VPS13A: variants seen among roughly 807,000 people sequenced by gnomAD.
VPS13A encodes the protein vacuolar protein sorting 13 homolog A.
VPS13A carries 264 observed loss-of-function variants against 390.9 expected under a neutral mutation model. The observed-to-expected ratio is 0.68, with a 90% CI of 0.61 to 0.75. The LOEUF is 0.75. Ranked by LOEUF, VPS13A falls within the 30% of genes least tolerant of loss-of-function variation. The pLI is 0.00. For missense variants in VPS13A, 3,409 were observed against 3,733.9 expected, an observed-to-expected ratio of 0.91 and a Z score of 2.27; for synonymous variants, 1,231 against 1,227.1, an observed-to-expected ratio of 1.00 and a Z score of -0.07.
chr9:77,185,394 C>T (rs1824270691), intron 1 of VPS13A, among the ~76,000 whole-genome samples: 1 of 152,138 alleles, frequency 6.6e-6, no homozygotes, highest in South Asian at 2.1e-4. Context: ...CCTGCCTTGG[C>T]CTCCCAAAGT....
chr9:77,391,701 A>C (rs1274950902), intron 68 of VPS13A, among the ~76,000 whole-genome samples: 3 of 152,230 alleles, frequency 2.0e-5, no homozygotes, highest in Non-Finnish European at 4.4e-5. Flanking sequence ...ATGAAGATGC[A>C]GTGTTGGAAT....
intron 26 of VPS13A, among the ~76,000 whole-genome samples, chr9:77,279,294 T>C (rs1242511365): frequency 6.6e-6 from 1 of 151,982 alleles, no homozygotes; most frequent in Non-Finnish European, 1.5e-5. Flanking sequence ...TCCCCTGAGG[T>C]TGGGCCACCC....
chr9:77,225,785 T>C, intron 13 of VPS13A, 141 bp from the exon 14 acceptor site: 2 of 603,334 alleles, frequency 3.3e-6, no homozygotes, highest in Non-Finnish European at 5.8e-6. Flanking sequence ...ATTTAACATA[T>C]GTATTATATT....
Position 77,416,139 on chromosome 9 carries a change from C to CAAACAAAAAAACAA in VPS13A, c.*150_*163dup. 9.0e-7 allele frequency: 1 copy of CAAACAAAAAAACAA among 1,111,138 alleles called. No individual in the cohort carries two copies. The allele number at this position is 1,111,138 out of a possible 1,614,324, so 68.8% of individuals were successfully genotyped here. ...TATTCTGGATGCTAAAAAACAAAAA[C>CAAACAAAAAAACAA]AAACAAAAAAACAAAAACAAAAAAA... On this transcript the variant is annotated 3_prime_UTR_variant, in exon 72 of 72. Transcript: ENST00000360280.
chr9:77,337,632 T>TA, intron 47 of VPS13A, 95 bp downstream of exon 47: 1 of 1,295,930 alleles, frequency 7.7e-7, no homozygotes, highest in Non-Finnish European at 1.1e-6. Flanking sequence ...AAAGATCTAA[T>TA]AAAAATTAGA....
intron 68 of VPS13A, among the ~76,000 whole-genome samples, chr9:77,390,612 T>G (rs1006179188): frequency 1.3e-5 from 2 of 151,986 alleles, no homozygotes; most frequent in Non-Finnish European, 2.9e-5. Flanking sequence ...AGTGTAAAAT[T>G]TATTCATTTC....
At position 77,314,577 on chromosome 9, in the gene VPS13A, A is replaced by T; in HGVS notation, c.4325A>T (p.Tyr1442Phe). 1 of 1,610,100 alleles carries T rather than the reference A, an allele frequency of 6.2e-7. No individual in the cohort carries two copies. Among genetic ancestry groups the T allele is most frequent in the Non-Finnish European group, 8.5e-7 (1 of 1,177,202 alleles). Reference protein sequence around the residue: ...LENIISTLKMYTDGSTFSSFS... With the variant: ...LENIISTLKMFTDGSTFSSFS... ...AATATTATAAGTACTTTAAAAATGT[A>T]TACAGATGGCTCAACATTTTCTTCC... The change falls in exon 37 of 72, where the codon TAT (tyrosine) becomes TTT (phenylalanine). Residue 1442 changes from tyrosine (Y) to phenylalanine (F), a missense_variant. Tyr to Phe is a conservative substitution (Grantham distance 22, BLOSUM62 3). Coordinates refer to ENST00000360280, the MANE Select transcript of VPS13A (RefSeq NM_033305.3).
chr9:77,375,131 G>A (rs2275547), intron 67 of VPS13A, among the ~76,000 whole-genome samples: 72,288 of 151,940 alleles, frequency 0.48, 17,851 homozygotes, highest in South Asian at 0.59. Flanking sequence ...TGAAACATAT[G>A]AAGGCTTCTT....
chr9:77,185,287 G>A (rs377115043), intron 1 of VPS13A, among the ~76,000 whole-genome samples: 1 of 152,050 alleles, frequency 6.6e-6, no homozygotes, highest in East Asian at 1.9e-4. Context: ...GACTACAGGC[G>A]CCTGTCACCA....
At chr9:77,181,384 C>T (rs537639278) in intron 1 of VPS13A, among the ~76,000 whole-genome samples, 10 of 151,776 alleles carry the variant, frequency 6.6e-5, no homozygotes, top group Non-Finnish European at 1.0e-4. Flanking sequence ...GGTACTGTGG[C>T]GCTCGCCTGT....
At chr9:77,207,658 C>A (rs1003728771) in intron 5 of VPS13A, among the ~76,000 whole-genome samples, 1 of 151,884 alleles carries the variant, frequency 6.6e-6, no homozygotes, top group Non-Finnish European at 1.5e-5. Context: ...TAAAATAAAC[C>A]CTTGTGTTCT....
At chr9:77,195,780 A>AT (rs1024152371) in intron 1 of VPS13A, among the ~76,000 whole-genome samples, 3 of 151,654 alleles carry the variant, frequency 2.0e-5, no homozygotes, top group Admixed American at 1.3e-4. Flanking sequence ...TTTTATTTTT[A>AT]TTTTTTTTCC....
chr9:77,206,134 A>G lies in VPS13A; in HGVS notation c.385+55A>G, dbSNP rs189951909. 4 of 1,144,960 alleles carry G rather than the reference A, an allele frequency of 3.5e-6. No homozygotes were observed. In the Admixed American group the frequency reaches 8.4e-5, roughly 24 times the overall value. 70.9% of individuals were successfully genotyped at this position (1,144,960 alleles called of 1,614,324 possible). ...TAAGAGAAGTAGAAAAGACCTAAATATTTATCATAATTGAATATTATTTTT... is the reference window on the plus strand; with the variant it reads ...TAAGAGAAGTAGAAAAGACCTAAATGTTTATCATAATTGAATATTATTTTT... On this transcript the variant is annotated intron_variant, in intron 5 of 71. Transcript: ENST00000360280.
intron 16 of VPS13A, among the ~76,000 whole-genome samples, chr9:77,227,868 T>A (rs1165221355): frequency 1.3e-5 from 2 of 152,070 alleles, no homozygotes; most frequent in Non-Finnish European, 2.9e-5. Flanking sequence ...CATATGTCCA[T>A]TTTTAATCCT....
In VPS13A at chr9:77,400,785, A is replaced by G. The variant is rs555345033; in HGVS notation, c.9190-2451A>G. Among the ~76,000 whole-genome samples the G allele has an allele frequency of 2.3e-4, 34 of 150,754 alleles. No homozygotes were observed. The East Asian group carries it at 6.6e-3, about 29-fold the overall frequency. ...AGAGTTTGCAGTGAGCCGAGATCGCATCACTGCACTCCAGCCTGGGCAACA... is the reference window on the plus strand; with the variant it reads ...AGAGTTTGCAGTGAGCCGAGATCGCGTCACTGCACTCCAGCCTGGGCAACA... On this transcript the variant is annotated intron_variant, in intron 68 of 71. Coordinates refer to ENST00000360280, the MANE Select transcript of VPS13A (RefSeq NM_033305.3).
Position 77,332,098 on chromosome 9 carries a change from C to T in VPS13A, c.6080C>T (p.Pro2027Leu). The T allele has an allele frequency of 1.2e-6, 2 of 1,609,740 alleles. No individual in the cohort carries two copies. Among genetic ancestry groups the T allele is most frequent in the Non-Finnish European group, 1.7e-6 (2 of 1,176,522 alleles). ...TCACCTGAAAATGAATTCAACATAC[C>T]ATTAGGATCTTACCGGTATTTTGTC... ...TASPENEFNI[P>L]LGSYRSFIFL... The change falls in exon 46 of 72, where the codon CCA becomes CTA. Residue 2027 changes from proline to leucine, a missense_variant. Coordinates refer to ENST00000360280, the MANE Select transcript of VPS13A (RefSeq NM_033305.3).
intron 1 of VPS13A, among the ~76,000 whole-genome samples, chr9:77,193,297 C>T (rs1824791770): frequency 6.6e-6 from 1 of 151,702 alleles, no homozygotes; most frequent in South Asian, 2.1e-4. Context: ...TCCCGAATTT[C>T]GGTATCTTCT....
In VPS13A at chr9:77,215,537, G is replaced by A. The variant is rs139622364; in HGVS notation, c.754+1151G>A. On this transcript the variant is annotated intron_variant, in intron 10 of 71. Transcript: ENST00000360280. Reference sequence around the variant, plus strand: ...GTCATTTTTGTTGTATCAGAGTTCAGTGAGGAGAGAGAAAGTACTGAGTAA... The same window carrying A: ...GTCATTTTTGTTGTATCAGAGTTCAATGAGGAGAGAGAAAGTACTGAGTAA... 4.6e-5 allele frequency among the ~76,000 whole-genome samples: 7 copies of A among 152,292 alleles called. No homozygotes were observed. The East Asian group carries it at 1.2e-3, about 25-fold the overall frequency.
rs942344315 is a variant in VPS13A, at chr9:77,177,549, T to C, written c.-156T>C. On this transcript the variant is annotated 5_prime_UTR_variant, in exon 1 of 72. Transcript: ENST00000360280. Reference sequence around the variant, plus strand: ...GAGAGCGACCGCCTCCGTCTCTCGCTGGGCTCGCTAGGGCTGCGCGTTGGG... The same window carrying C: ...GAGAGCGACCGCCTCCGTCTCTCGCCGGGCTCGCTAGGGCTGCGCGTTGGG... The C allele has an allele frequency of 2.9e-6, 2 of 681,254 alleles. No individual in the cohort carries two copies. The highest frequency in any genetic ancestry group is 3.6e-5 in the African/African-American group (2 of 55,548). The allele number at this position is 681,254 out of a possible 1,614,324, so 42.2% of individuals were successfully genotyped here.
Sources: gnomAD v4.1 joint callset for allele counts (sites outside exome capture counted in the v4.1 genomes callset) on GRCh38, gnomAD v4.1.1 for gene constraint, MANE v1.5 for transcripts, NCBI Gene and HGNC (gene_info 2026-07-23, HGNC 2026-07-21) for gene names.